The following ZFHX3 variants were observed in gnomAD, a reference collection of about 807,000 sequenced individuals.
ZFHX3 encodes zinc finger homeobox protein 3.
ZFHX3 carries 42 observed loss-of-function variants against 279.1 expected under a neutral mutation model. The observed-to-expected ratio is 0.15, with a 90% CI of 0.12 to 0.19. The LOEUF (loss-of-function observed/expected upper bound fraction) is 0.19. ZFHX3 is among the 10% of genes least tolerant of loss of function. The pLI, the probability that ZFHX3 is intolerant of heterozygous loss-of-function variation, is 1.00. For missense variants in ZFHX3, 4,981 were observed against 4,754.0 expected (o/e 1.05, Z -1.40); for synonymous variants, 2,293 against 1,957.8 (o/e 1.17, Z -4.52).
intron 1 of ZFHX3, among the ~76,000 whole-genome samples, chr16:73,710,783 C>T (rs2142226427): frequency 6.6e-6 from 1 of 152,332 alleles, no homozygotes; most frequent in Non-Finnish European, 1.5e-5. Flanking sequence ...CCCGGCCTCC[C>T]TTCTCGGAGC....
At chr16:73,393,474 C>T (rs2017061601) in intron 3 of ZFHX3, among the ~76,000 whole-genome samples, 2 of 152,184 alleles carry the variant, frequency 1.3e-5, no homozygotes, top group Admixed American at 1.3e-4. Flanking sequence ...ATGCTAGTTC[C>T]TTTGAGATCA....
chr16:73,354,524 CCCTGTTACCTGCAGGTAACATG>C (rs1042777407), intron 3 of ZFHX3, among the ~76,000 whole-genome samples: 3 of 152,202 alleles, frequency 2.0e-5, no homozygotes, highest in African/African-American at 7.2e-5. Context: ...CCCTTCCACG[CCCTGTTACCTGCAGGTAACATG>C]CCTGTTACCA....
chr16:73,820,161 C>T (rs1960693757), intron 1 of ZFHX3, among the ~76,000 whole-genome samples: 1 of 152,146 alleles, frequency 6.6e-6, no homozygotes, highest in Non-Finnish European at 1.5e-5. Flanking sequence ...ACAATCTCAG[C>T]TCACTGCAAG....
intron 2 of ZFHX3, among the ~76,000 whole-genome samples, chr16:73,462,143 T>C (rs1014454697): frequency 2.0e-5 from 3 of 152,214 alleles, no homozygotes; most frequent in Non-Finnish European, 4.4e-5. Context: ...ATTTTTAATT[T>C]GGTTTCCATG....
intron 2 of ZFHX3, among the ~76,000 whole-genome samples, chr16:73,590,331 C>T (rs190743612): frequency 1.3e-4 from 20 of 152,310 alleles, no homozygotes; most frequent in African/African-American, 4.6e-4. Flanking sequence ...GGAACCAGGG[C>T]TCATTGGAAA....
At chr16:73,113,584 C>T (rs939206904) in intron 7 of ZFHX3, among the ~76,000 whole-genome samples, 10 of 152,164 alleles carry the variant, frequency 6.6e-5, no homozygotes, top group Non-Finnish European at 1.2e-4. Context: ...ACACCCACTA[C>T]GTGAGCTACT....
chr16:73,507,982 A>G (rs1318566819), intron 2 of ZFHX3, among the ~76,000 whole-genome samples: 3 of 152,220 alleles, frequency 2.0e-5, no homozygotes, highest in Non-Finnish European at 4.4e-5. Context: ...GGGGGCAAGG[A>G]CAACATGTGT....
chr16:73,274,018 C>A (rs1265819523), intron 4 of ZFHX3, among the ~76,000 whole-genome samples: 1 of 152,122 alleles, frequency 6.6e-6, no homozygotes, highest in East Asian at 1.9e-4. Context: ...GTGGTGCGCG[C>A]CTGTAATCCC....
intron 1 of ZFHX3, among the ~76,000 whole-genome samples, chr16:72,993,906 T>C (rs2144577673): frequency 6.6e-6 from 1 of 152,276 alleles, no homozygotes; most frequent in South Asian, 2.1e-4. Context: ...CTCTCTGGGT[T>C]GAATCCAGTT....
chr16:73,716,562 T>C (rs989589140), intron 1 of ZFHX3, among the ~76,000 whole-genome samples: 1 of 151,414 alleles, frequency 6.6e-6, no homozygotes, highest in Admixed American at 6.6e-5. Context: ...AAGAGAACAA[T>C]TAAAATTTTA....
intron 3 of ZFHX3, among the ~76,000 whole-genome samples, chr16:73,413,099 C>T (rs996866839): frequency 3.9e-5 from 6 of 152,004 alleles, no homozygotes; most frequent in South Asian, 2.1e-4. Flanking sequence ...GGATTACTGG[C>T]GATTATGAAT....
At chr16:73,203,467 G>A (rs1308941345) in intron 5 of ZFHX3, among the ~76,000 whole-genome samples, 2 of 152,168 alleles carry the variant, frequency 1.3e-5, no homozygotes, top group African/African-American at 2.4e-5. Context: ...AGCTCTCTGA[G>A]GTCAGAATTC....
chr16:73,055,841 C>A (rs1009700717), intron 1 of ZFHX3, among the ~76,000 whole-genome samples: 3 of 140,850 alleles, frequency 2.1e-5, no homozygotes, highest in African/African-American at 7.9e-5. Flanking sequence ...CTCATACCTA[C>A]AACTCTACAC....
intron 1 of ZFHX3, among the ~76,000 whole-genome samples, chr16:73,819,793 G>A (rs1316421487): frequency 6.6e-6 from 1 of 152,138 alleles, no homozygotes; most frequent in Non-Finnish European, 1.5e-5. Flanking sequence ...ATGTCACCTA[G>A]TATAACTTAG....
intron 1 of ZFHX3, among the ~76,000 whole-genome samples, chr16:73,783,951 G>A (rs938897161): frequency 3.8e-4 from 58 of 152,084 alleles, no homozygotes; most frequent in African/African-American, 1.4e-3. Context: ...CTAAGAACAG[G>A]AACCTGTCAA....
At chr16:73,519,093 G>T (rs1366222207) in intron 2 of ZFHX3, among the ~76,000 whole-genome samples, 1 of 152,122 alleles carries the variant, frequency 6.6e-6, no homozygotes, top group Admixed American at 6.5e-5. Flanking sequence ...CGAGAATAAA[G>T]GGGAGATCTG....
chr16:73,302,917 C>T (rs1157700161), intron 4 of ZFHX3, among the ~76,000 whole-genome samples: 1 of 152,202 alleles, frequency 6.6e-6, no homozygotes, highest in East Asian at 1.9e-4. Context: ...TGGCATTAAA[C>T]TGTGGCAGGT....
rs531902315 is a variant in ZFHX3 at position 73,833,532 on chromosome 16, C to A, written c.-1608+58119G>T. On this transcript the variant is annotated intron_variant, in intron 1 of 17. Coordinates refer to the ZFHX3 transcript ENST00000641206. ...GAAAACCAAACACCGCATGTTCTCA[C>A]TCATAAGTGGGAGTTGAACAATGAG... Among the ~76,000 whole-genome samples, 5 of 152,002 alleles carry A rather than the reference C, an allele frequency of 3.3e-5. No individual in the cohort carries two copies. In the South Asian group the frequency reaches 1.0e-3, roughly 32 times the overall value.
chr16:73,213,639 T>G (rs2012096972), intron 5 of ZFHX3, among the ~76,000 whole-genome samples: 2 of 152,214 alleles, frequency 1.3e-5, no homozygotes, highest in Non-Finnish European at 2.9e-5. Flanking sequence ...TGCATGATAA[T>G]AAGAACTACT....
Sources: allele counts gnomAD v4.1 joint callset (sites outside exome capture counted in the v4.1 genomes callset), GRCh38; gene constraint gnomAD v4.1.1; transcripts MANE v1.5; gene names NCBI Gene and HGNC (gene_info 2026-07-23, HGNC 2026-07-21).